Variants in MICU3 observed in about 807,000 individuals in gnomAD.
MICU3 encodes the protein mitochondrial calcium uptake 3.
A neutral mutation model predicts 66.5 loss-of-function variants in MICU3; 62 were observed. That is an observed-to-expected ratio of 0.93 (90% CI 0.76 to 1.15). The LOEUF (loss-of-function observed/expected upper bound fraction) is 1.15, where lower values mean the gene tolerates loss of function less well. Ranked by LOEUF, MICU3 falls within the 50% of genes most tolerant of loss-of-function variation. The pLI is 0.00. For synonymous variants in MICU3, 308 were observed against 240.7 expected (o/e 1.28, Z -2.59); for missense variants, 779 against 664.4 (o/e 1.17, Z -1.90).
chr8:17,118,934 T>A (rs911786489), intron 14 of MICU3, among the ~76,000 whole-genome samples, 159 bp downstream of exon 14: 2 of 152,220 alleles, frequency 1.3e-5, no homozygotes, highest in Non-Finnish European at 2.9e-5. Flanking sequence ...AAATTTTACG[T>A]TAAACCTGAA....
intron 1 of MICU3, among the ~76,000 whole-genome samples, chr8:17,032,140 A>T (rs541926844): frequency 5.3e-5 from 8 of 152,366 alleles, no homozygotes; most frequent in East Asian, 1.9e-4. Context: ...TATTTTTAGC[A>T]TTTGAATTGG....
intron 13 of MICU3, among the ~76,000 whole-genome samples, chr8:17,117,380 T>G (rs1802782531): frequency 6.6e-6 from 1 of 152,124 alleles, no homozygotes; most frequent in Non-Finnish European, 1.5e-5. Context: ...AGTTAAAAAT[T>G]TTTTTATCGA....
chr8:17,089,950 G>T (rs998364743), intron 7 of MICU3, among the ~76,000 whole-genome samples: 1 of 152,024 alleles, frequency 6.6e-6, no homozygotes, highest in Non-Finnish European at 1.5e-5. Flanking sequence ...TGATTCAGAA[G>T]GGAAAAGGGA....
At chr8:17,099,042 A>G (rs532700611) in intron 9 of MICU3, among the ~76,000 whole-genome samples, 35 of 151,832 alleles carry the variant, frequency 2.3e-4, no homozygotes, top group Admixed American at 1.8e-3. Flanking sequence ...TTGCCAGTGC[A>G]TAGTGAAAAT....
At chr8:17,081,106 G>A (rs997900992) in intron 4 of MICU3, among the ~76,000 whole-genome samples, 3 of 152,078 alleles carry the variant, frequency 2.0e-5, no homozygotes, top group Non-Finnish European at 4.4e-5. Context: ...AGGATGCGAT[G>A]TACAGAAAGT....
chr8:17,072,913 GTCTC>G (rs2150684333), intron 3 of MICU3, among the ~76,000 whole-genome samples: 1 of 152,212 alleles, frequency 6.6e-6, no homozygotes, highest in South Asian at 2.1e-4. Flanking sequence ...TTGAGATAGA[GTCTC>G]TCCCTGTCAC....
chr8:17,050,293 A>G (rs1414127490), intron 1 of MICU3, among the ~76,000 whole-genome samples: 1 of 151,932 alleles, frequency 6.6e-6, no homozygotes, highest in East Asian at 1.9e-4. Flanking sequence ...TGAATTTTAA[A>G]AATAATATGT....
chr8:17,069,226 C>T (rs1819177457), intron 2 of MICU3, among the ~76,000 whole-genome samples: 2 of 152,008 alleles, frequency 1.3e-5, no homozygotes, highest in South Asian at 4.1e-4. Context: ...CTTCTTCATC[C>T]TAGAGAGACC....
At chr8:17,028,364 C>A (rs780552645) in intron 1 of MICU3, among the ~76,000 whole-genome samples, 4 of 152,092 alleles carry the variant, frequency 2.6e-5, no homozygotes, top group Non-Finnish European at 5.9e-5. Context: ...AGAAGAAAGT[C>A]ACGTGAAAAT....
At chr8:17,114,459 G>C (rs944905212) in intron 12 of MICU3, among the ~76,000 whole-genome samples, 2 of 152,092 alleles carry the variant, frequency 1.3e-5, no homozygotes, top group Non-Finnish European at 2.9e-5. Flanking sequence ...GTTCTTACAG[G>C]GTGGTATTTT....
intron 12 of MICU3, among the ~76,000 whole-genome samples, chr8:17,115,682 A>G (rs539761968): frequency 6.6e-6 from 1 of 152,324 alleles, no homozygotes; most frequent in East Asian, 1.9e-4. Context: ...TGACAGAATA[A>G]TCTTTCTTAA....
rs1205694951 is a variant in MICU3, at chr8:17,027,604, G to C, written c.325G>C (p.Asp109His). ...PSKSAATEPE[D>H]PPRGRGMLPI... ...AAAGAGCGCGGCCACGGAGCCCGAG[G>C]ACCCGCCCCGCGGCCGGGGGATGCT... Residue 109 changes from aspartate (D) to histidine (H), a missense_variant, in exon 1 of 15, where the codon GAC (aspartate) becomes CAC (histidine). Coordinates refer to ENST00000318063, the MANE Select transcript of MICU3 (RefSeq NM_181723.3). The C allele has an allele frequency of 4.3e-5, 56 of 1,309,586 alleles. No homozygotes were observed. The highest frequency in any genetic ancestry group is 5.4e-5 in the Non-Finnish European group (56 of 1,033,722). 81.1% of individuals were successfully genotyped at this position (1,309,586 alleles called of 1,614,324 possible). A position where few individuals can be genotyped will look rare whatever the true frequency, so the allele number is the denominator to read the frequency against.
intron 12 of MICU3, among the ~76,000 whole-genome samples, chr8:17,115,526 T>A (rs1372440959): frequency 6.6e-6 from 1 of 152,172 alleles, no homozygotes; most frequent in African/African-American, 2.4e-5. Context: ...TCACCTGTCT[T>A]GCAGGCGCTA....
intron 8 of MICU3, 60 bp downstream of exon 8, chr8:17,090,644 A>G: frequency 7.6e-7 from 1 of 1,320,202 alleles, no homozygotes; most frequent in Admixed American, 2.3e-5. Flanking sequence ...ATACTTGATA[A>G]TGTTATTTCT....
At position 17,121,785 on chromosome 8, in the gene MICU3, C is replaced by T. The variant is rs982343687; in HGVS notation, c.*1498C>T. On this transcript the variant is annotated 3_prime_UTR_variant, in exon 15 of 15. Transcript: ENST00000318063. ...ATTGTTTATCTAATATTATTTATGA[C>T]AGTAATTTTAAAATATATTATTCAT... The T allele has an allele frequency of 6.6e-6, 1 of 151,912 alleles. No individual in the cohort carries two copies. Among genetic ancestry groups the T allele is most frequent in the African/African-American group, 2.4e-5 (1 of 41,342 alleles). 9.4% of individuals were successfully genotyped at this position (151,912 alleles called of 1,614,324 possible). A position where few individuals can be genotyped will look rare whatever the true frequency, so the allele number is the denominator to read the frequency against.
At chr8:17,128,800 T>G in the MICU3 span, among the ~76,000 whole-genome samples, 2 of 152,028 alleles carry the variant, frequency 1.3e-5, no homozygotes, top group Non-Finnish European at 2.9e-5. Flanking sequence ...GGACCAGAGT[T>G]AAGAATAGCT....
At chr8:17,093,410 A>G (rs1179218914) in intron 8 of MICU3, among the ~76,000 whole-genome samples, 1 of 151,996 alleles carries the variant, frequency 6.6e-6, no homozygotes, top group Non-Finnish European at 1.5e-5. Flanking sequence ...CAATATCAAT[A>G]TTCTTAAATC....
intron 1 of MICU3, among the ~76,000 whole-genome samples, chr8:17,054,621 G>A (rs1480332085): frequency 1.3e-5 from 2 of 151,962 alleles, no homozygotes; most frequent in Admixed American, 6.6e-5. Context: ...TCTCCCTTAG[G>A]TAATGTGGGT....
At chr8:17,080,293 T>C (rs1055648049) in intron 4 of MICU3, among the ~76,000 whole-genome samples, 36 of 152,126 alleles carry the variant, frequency 2.4e-4, no homozygotes, top group Non-Finnish European at 1.3e-4. Context: ...TCAATCACCA[T>C]GTGATCCTAC....
Sources: allele counts gnomAD v4.1 joint callset (sites outside exome capture counted in the v4.1 genomes callset), GRCh38; gene constraint gnomAD v4.1.1; transcripts MANE v1.5; gene names NCBI Gene and HGNC (gene_info 2026-07-23, HGNC 2026-07-21).